VNN1: variants seen among roughly 807,000 people sequenced by gnomAD.
The protein encoded by VNN1 is pantetheinase.
Under a neutral mutation model 41.9 loss-of-function variants are expected in VNN1, and 29 were observed. The ratio of observed to expected loss-of-function variants is 0.69; its 90% CI spans 0.52 to 0.94. The LOEUF is 0.94. Among genes scored for constraint, VNN1 ranks in the 40% least tolerant of loss-of-function variants. VNN1 has a pLI of 0.00. For synonymous variants in VNN1, 233 were observed against 224.4 expected, an observed-to-expected ratio of 1.04 and a Z score of -0.34; for missense variants, 637 against 621.1, an observed-to-expected ratio of 1.03 and a Z score of -0.27.
rs915923437 is a variant in VNN1, at chr6:132,681,820, T to A, written c.*1320A>T. The A allele has an allele frequency of 6.6e-6, 1 of 152,620 alleles. No individual in the cohort carries two copies. Among genetic ancestry groups the A allele is most frequent in the African/African-American group, 2.4e-5 (1 of 41,450 alleles). The allele number at this position is 152,620 out of a possible 1,614,324, so 9.5% of individuals were successfully genotyped here. A position where few individuals can be genotyped will look rare whatever the true frequency, so the allele number is the denominator to read the frequency against. On this transcript the variant is annotated 3_prime_UTR_variant, in exon 7 of 7. Coordinates refer to ENST00000367928, the MANE Select transcript of VNN1 (RefSeq NM_004666.3). ...AATATTTCTTGGATGATATAGTACT[T>A]TTTAGGAAAAACATCTGCCACAAAA...
At position 132,693,152 on chromosome 6, in the gene VNN1, A is replaced by G. The variant is rs1778316371; in HGVS notation, c.698T>C (p.Val233Ala). 1.2e-6 allele frequency: 2 copies of G among 1,614,022 alleles called. No individual in the cohort carries two copies. Among genetic ancestry groups the G allele is most frequent in the African/African-American group, 1.3e-5 (1 of 74,916 alleles). The change falls in exon 4 of 7, where the codon GTA becomes GCA. Residue 233 changes from valine (V) to alanine (A), a missense_variant. By Grantham distance (64) the Val-to-Ala change is moderately conservative. Transcript: ENST00000367928. ...AACATTCATCCAAGCTGTTGGGAATACTATGGTGTCCACGTGGAAATCTTT... is the reference window on the plus strand; with the variant it reads ...AACATTCATCCAAGCTGTTGGGAATGCTATGGTGTCCACGTGGAAATCTTT... ...LVKDFHVDTI[V>A]FPTAWMNVLP...
In VNN1 at chr6:132,702,686, G is replaced by T. The variant is rs533143560; in HGVS notation, c.342-8504C>A. 1.8e-4 allele frequency among the ~76,000 whole-genome samples: 27 copies of T among 152,310 alleles called. No homozygotes were observed. The South Asian group carries it at 5.4e-3, about 30-fold the overall frequency. On this transcript the variant is annotated intron_variant, in intron 2 of 6. Transcript: ENST00000367928. ...CAACTTGGATAACAGCTCAACCACA[G>T]TAAAATAAAGCACCAAGTAGAGTAC...
chr6:132,699,246 T>G (rs1434171963), intron 2 of VNN1: 2 of 281,096 alleles, frequency 7.1e-6, no homozygotes, highest in Non-Finnish European at 1.4e-5. Flanking sequence ...GCCTTTCAAT[T>G]TCTACAACTC....
chr6:132,710,832 T>C (rs45539634), intron 2 of VNN1, among the ~76,000 whole-genome samples: 2,006 of 152,318 alleles, frequency 0.013, 38 homozygotes, highest in African/African-American at 0.045. Flanking sequence ...GCAATAAACA[T>C]ATGCATGCAT....
Position 132,684,633 on chromosome 6 carries a change from A to G in VNN1, c.1189-128T>C, listed in dbSNP as rs116521934. 4.5e-4 allele frequency: 322 copies of G among 716,258 alleles called. 5 individuals carry two copies. In the African/African-American group the frequency reaches 5.0e-3, roughly 11 times the overall value. 44.4% of individuals were successfully genotyped at this position (716,258 alleles called of 1,614,324 possible). On this transcript the variant is annotated intron_variant, in intron 5 of 6. Coordinates refer to ENST00000367928, the MANE Select transcript of VNN1 (RefSeq NM_004666.3). ...ACATCATACACTGTAAAGATATACA[A>G]TTTTCATTTGTTAATGACAATAAAG... is the stretch of plus-strand genomic sequence containing the variant.
intron 5 of VNN1, among the ~76,000 whole-genome samples, chr6:132,685,073 C>T (rs113954983): frequency 1.0e-3 from 152 of 152,318 alleles, no homozygotes; most frequent in African/African-American, 3.4e-3. Flanking sequence ...GCCTGTTTCA[C>T]ACAATAAAAG....
Position 132,683,017 on chromosome 6 carries a change from CTAAA to C in VNN1, c.*119_*122del, listed in dbSNP as rs1479027081. 1 of 762,278 alleles carries C rather than the reference CTAAA, an allele frequency of 1.3e-6. No individual in the cohort carries two copies. The highest frequency in any genetic ancestry group is 2.0e-6 in the Non-Finnish European group (1 of 507,950). 47.2% of individuals were successfully genotyped at this position (762,278 alleles called of 1,614,324 possible). On this transcript the variant is annotated 3_prime_UTR_variant, in exon 7 of 7. Coordinates refer to ENST00000367928, the MANE Select transcript of VNN1 (RefSeq NM_004666.3). ...TATTATCTGGTGTGTGTGTGTTTGTCTAAATAAAGAGAAACTAGTAATTCACTTA... is the reference window on the plus strand; with the variant it reads ...TATTATCTGGTGTGTGTGTGTTTGTCTAAAGAGAAACTAGTAATTCACTTA...
rs1046805832 is a variant in VNN1, at chr6:132,708,722, T to C, written c.341+2987A>G. Reference sequence around the variant, plus strand: ...TCTCAATACCTAAACTTCTACCATTTCTTGGTCTCAGACCCATCATCTCTA... The same window carrying C: ...TCTCAATACCTAAACTTCTACCATTCCTTGGTCTCAGACCCATCATCTCTA... On this transcript the variant is annotated intron_variant, in intron 2 of 6. Transcript: ENST00000367928. 5.3e-5 allele frequency among the ~76,000 whole-genome samples: 8 copies of C among 152,300 alleles called. No homozygotes were observed. The South Asian group carries it at 1.7e-3, about 32-fold the overall frequency.
chr6:132,692,911 T>A, intron 4 of VNN1, 113 bp downstream of exon 4: 10 of 1,239,068 alleles, frequency 8.1e-6, no homozygotes, highest in Non-Finnish European at 1.1e-5. Context: ...GTTCAAAAAT[T>A]AAGAGCTGGA....
intron 2 of VNN1, among the ~76,000 whole-genome samples, chr6:132,708,038 T>C (rs1778544932): frequency 6.6e-6 from 1 of 152,184 alleles, no homozygotes; most frequent in Non-Finnish European, 1.5e-5. Flanking sequence ...CATCAAAACA[T>C]CTCATGTACC....
chr6:132,686,537 A>G lies in VNN1; in HGVS notation c.1189-2032T>C, dbSNP rs61570577. ...AGGCAACTGATTCAAGAAGGAAATT[A>G]GAAGAATCTTGAAACCTGGGAGACC... On this transcript the variant is annotated intron_variant, in intron 5 of 6. Coordinates refer to ENST00000367928, the MANE Select transcript of VNN1 (RefSeq NM_004666.3). Among the ~76,000 whole-genome samples the G allele has an allele frequency of 3.4e-3, 516 of 152,344 alleles. 3 individuals are homozygous for G. Among genetic ancestry groups the G allele is most frequent in the African/African-American group, 0.012 (501 of 41,574 alleles).
Position 132,683,111 on chromosome 6 carries a change from C to T in VNN1, c.*29G>A. ...CTCATCCATCATTTTTTAAATTATCCCAAATAAAAAAGAGAAAAAGTCAAT... is the reference window on the plus strand; with the variant it reads ...CTCATCCATCATTTTTTAAATTATCTCAAATAAAAAAGAGAAAAAGTCAAT... On this transcript the variant is annotated 3_prime_UTR_variant, in exon 7 of 7. Transcript: ENST00000367928. 1 of 1,556,100 alleles carries T rather than the reference C, an allele frequency of 6.4e-7. No homozygotes were observed. Among genetic ancestry groups the T allele is most frequent in the African/African-American group, 1.4e-5 (1 of 72,136 alleles).
chr6:132,711,143 G>T (rs1424404268), intron 2 of VNN1, among the ~76,000 whole-genome samples: 1 of 152,204 alleles, frequency 6.6e-6, no homozygotes, highest in African/African-American at 2.4e-5. Context: ...TATTCAGAAA[G>T]AAGTATGTGA....
chr6:132,685,938 T>A (rs2114332751), intron 5 of VNN1, among the ~76,000 whole-genome samples: 1 of 152,074 alleles, frequency 6.6e-6, no homozygotes, highest in Non-Finnish European at 1.5e-5. Context: ...TTGAAAACGT[T>A]CCCCCTCCAC....
rs1778136016 is a variant in VNN1 at position 132,682,266 on chromosome 6, C to T, written c.*874G>A. 6.6e-6 allele frequency: 1 copy of T among 152,152 alleles called. No homozygotes were observed. The highest frequency in any genetic ancestry group is 1.5e-5 in the Non-Finnish European group (1 of 68,056). The allele number at this position is 152,152 out of a possible 1,614,324, so 9.4% of individuals were successfully genotyped here. ...AGCTGAATATTCTTACCAGGTAAGC[C>T]TTTTGTTGAAGCTTCAGATTACAGT... On this transcript the variant is annotated 3_prime_UTR_variant, in exon 7 of 7. Transcript: ENST00000367928.
intron 1 of VNN1, among the ~76,000 whole-genome samples, chr6:132,713,392 G>T (rs999205312): frequency 1.3e-5 from 2 of 152,130 alleles, no homozygotes; most frequent in Non-Finnish European, 1.5e-5. Context: ...TGCTGGCAAG[G>T]AATTGAAAAC....
At position 132,682,874 on chromosome 6, in the gene VNN1, T is replaced by A. The variant is rs1303145820; in HGVS notation, c.*266A>T. 9.0e-6 allele frequency: 2 copies of A among 223,284 alleles called. No homozygotes were observed. Among genetic ancestry groups the A allele is most frequent in the Non-Finnish European group, 1.7e-5 (2 of 116,424 alleles). The allele number at this position is 223,284 out of a possible 1,614,324, so 13.8% of individuals were successfully genotyped here. On this transcript the variant is annotated 3_prime_UTR_variant, in exon 7 of 7. Coordinates refer to ENST00000367928, the MANE Select transcript of VNN1 (RefSeq NM_004666.3). ...TTTTCTACCCGTAGTTTTTATTTCT[T>A]CTGCGTAAAAGATTTGTGATACTTA...
rs189070215 is a variant in VNN1, at chr6:132,685,057, C to A, written c.1189-552G>T. Among the ~76,000 whole-genome samples the A allele has an allele frequency of 2.4e-3, 372 of 152,310 alleles. 3 individuals are homozygous for A. Among genetic ancestry groups the A allele is most frequent in the African/African-American group, 8.5e-3 (354 of 41,576 alleles). ...ATTTAGGCACCTGTGTAAATCATAT[C>A]TTATTGCCTGTTTCACACAATAAAA... On this transcript the variant is annotated intron_variant, in intron 5 of 6. Coordinates refer to ENST00000367928, the MANE Select transcript of VNN1 (RefSeq NM_004666.3).
chr6:132,691,255 T>G (rs1778280060), intron 5 of VNN1, among the ~76,000 whole-genome samples: 1 of 152,190 alleles, frequency 6.6e-6, no homozygotes, highest in Admixed American at 6.5e-5. Context: ...AACAGCTTTT[T>G]GTGATTTCTG....
Sources: gnomAD v4.1 joint callset for allele counts (sites outside exome capture counted in the v4.1 genomes callset) on GRCh38, gnomAD v4.1.1 for gene constraint, MANE v1.5 for transcripts, NCBI Gene and HGNC (gene_info 2026-07-23, HGNC 2026-07-21) for gene names.